Variants in FAM81A observed in about 807,000 individuals in gnomAD.
The protein encoded by FAM81A is protein FAM81A.
Under a neutral mutation model 46.7 loss-of-function variants are expected in FAM81A, and 19 were observed. The ratio of observed to expected loss-of-function variants is 0.41; its 90% confidence interval spans 0.28 to 0.60. The LOEUF is 0.60. FAM81A is among the 20% of genes least tolerant of loss of function. The probability of loss-of-function intolerance (pLI) is 0.34; values close to 1 mark genes in which losing one functional copy is unlikely to be tolerated. For missense variants in FAM81A, 377 were observed against 453.5 expected, an observed-to-expected ratio of 0.83 and a Z score of 1.53; for synonymous variants, 183 against 152.9, an observed-to-expected ratio of 1.20 and a Z score of -1.45.
chr15:59,399,367 T>C (rs2140460532), intron 1 of FAM81A, among the ~76,000 whole-genome samples: 1 of 152,216 alleles, frequency 6.6e-6, no homozygotes, highest in South Asian at 2.1e-4. Context: ...ATGTAGACTT[T>C]ATACCAAGCA....
In FAM81A at chr15:59,447,867, C is replaced by T. The variant is rs548744340; in HGVS notation, c.-78+9585C>T. On this transcript the variant is annotated intron_variant, in intron 1 of 8. Coordinates refer to ENST00000288228, the MANE Select transcript of FAM81A (RefSeq NM_152450.3). Reference sequence around the variant, plus strand: ...ATCTAGGCATGAAGGGAGGAGGCCTCAGATACAGGAGCGAAGGAAGGCAGA... The same window carrying T: ...ATCTAGGCATGAAGGGAGGAGGCCTTAGATACAGGAGCGAAGGAAGGCAGA... 2.6e-5 allele frequency among the ~76,000 whole-genome samples: 4 copies of T among 152,270 alleles called. No homozygotes were observed. The South Asian group carries it at 8.3e-4, about 32-fold the overall frequency.
chr15:59,444,948 T>C (rs139677615), intron 1 of FAM81A, among the ~76,000 whole-genome samples: 246 of 152,310 alleles, frequency 1.6e-3, no homozygotes, highest in African/African-American at 5.3e-3. Context: ...AATAAAATGG[T>C]TTATCGGAAG....
intron 3 of FAM81A, among the ~76,000 whole-genome samples, chr15:59,465,902 G>C (rs1456999113): frequency 1.3e-5 from 2 of 152,052 alleles, no homozygotes; most frequent in African/African-American, 4.8e-5. Flanking sequence ...GTGTCCAAGT[G>C]ATCTCATTGT....
At chr15:59,516,964 T>G in intron 8 of FAM81A, 124 bp downstream of exon 8, 1 of 916,190 alleles carries the variant, frequency 1.1e-6, no homozygotes, top group South Asian at 2.1e-5. Context: ...TATCCTTAGT[T>G]GATTTTCTGA....
intron 1 of FAM81A, among the ~76,000 whole-genome samples, chr15:59,398,849 T>A (rs1318175807): frequency 6.6e-6 from 1 of 150,520 alleles, no homozygotes; most frequent in East Asian, 2.0e-4. Context: ...GTGGTCTATG[T>A]CTTCCTAGTC....
intron 8 of FAM81A, among the ~76,000 whole-genome samples, chr15:59,520,844 A>G (rs1196812681): frequency 6.6e-6 from 1 of 152,182 alleles, no homozygotes; most frequent in African/African-American, 2.4e-5. Context: ...GATTACTGGC[A>G]TGAGCCACCG....
At chr15:59,464,346 G>C (rs1200171271) in intron 3 of FAM81A, among the ~76,000 whole-genome samples, 1 of 152,200 alleles carries the variant, frequency 6.6e-6, no homozygotes, top group Non-Finnish European at 1.5e-5. Context: ...TAGTGGGATT[G>C]CTGGATCATA....
At position 59,401,803 on chromosome 15, in the gene FAM81A, G is replaced by A; in HGVS notation, c.-160-473G>A. The A allele has an allele frequency of 9.7e-6, 7 of 718,890 alleles. No homozygotes were observed. In the South Asian group the frequency reaches 1.1e-4, roughly 11 times the overall value. 44.5% of individuals were successfully genotyped at this position (718,890 alleles called of 1,614,324 possible). On this transcript the variant is annotated intron_variant, in intron 1 of 4. Transcript: ENST00000558348. Reference sequence around the variant, plus strand: ...TTTTTTTTGGTGTTTCTCTTTTCATGCATCTTGATAGTCTTTTTTATTTGT... The same window carrying A: ...TTTTTTTTGGTGTTTCTCTTTTCATACATCTTGATAGTCTTTTTTATTTGT...
At chr15:59,507,446 A>C in intron 5 of FAM81A, 104 bp downstream of exon 5, 1 of 1,434,590 alleles carries the variant, frequency 7.0e-7, no homozygotes, top group Non-Finnish European at 9.4e-7. Context: ...TGGGGCATCT[A>C]GCATGGGTTT....
intron 3 of FAM81A, among the ~76,000 whole-genome samples, chr15:59,478,136 C>A (rs561431815): frequency 6.6e-6 from 1 of 152,188 alleles, no homozygotes; most frequent in African/African-American, 2.4e-5. Flanking sequence ...GTAGTTTGGA[C>A]CCCCATGTCT....
At chr15:59,484,871 C>G (rs2081898472) in intron 3 of FAM81A, among the ~76,000 whole-genome samples, 1 of 152,160 alleles carries the variant, frequency 6.6e-6, no homozygotes, top group East Asian at 1.9e-4. Flanking sequence ...TCTAGATGTA[C>G]CCTGGGCTAA....
At chr15:59,439,223 A>G (rs2081270988) in intron 1 of FAM81A, among the ~76,000 whole-genome samples, 1 of 152,122 alleles carries the variant, frequency 6.6e-6, no homozygotes, top group Admixed American at 6.5e-5. Flanking sequence ...TGCTAGAATG[A>G]TTCGAATCCA....
At chr15:59,517,731 A>C (rs963687893) in intron 8 of FAM81A, among the ~76,000 whole-genome samples, 1 of 152,236 alleles carries the variant, frequency 6.6e-6, no homozygotes, top group Non-Finnish European at 1.5e-5. Flanking sequence ...AATTAAATAT[A>C]TGAATTGGAG....
At chr15:59,398,741 G>C (rs35214076) in intron 1 of FAM81A, among the ~76,000 whole-genome samples, 1 of 117,920 alleles carries the variant, frequency 8.5e-6, no homozygotes, top group Non-Finnish European at 1.6e-5. Context: ...CTGGGCAACA[G>C]AGTGAGACTC....
chr15:59,437,915 CT>C (rs1394251485), upstream of FAM81A, among the ~76,000 whole-genome samples: 1 of 152,076 alleles, frequency 6.6e-6, no homozygotes, highest in Non-Finnish European at 1.5e-5. Context: ...GATGCGAGCT[CT>C]GTGGGAAACA....
intron 1 of FAM81A, among the ~76,000 whole-genome samples, chr15:59,456,579 T>C (rs117477903): frequency 6.6e-6 from 1 of 152,146 alleles, no homozygotes; most frequent in East Asian, 1.9e-4. Context: ...CCCATTGTTT[T>C]TGTTTGTTTG....
At chr15:59,507,463 A>T in intron 5 of FAM81A, 121 bp downstream of exon 5, 1 of 1,280,446 alleles carries the variant, frequency 7.8e-7, no homozygotes, top group Non-Finnish European at 1.1e-6. Context: ...GTTTATGCCA[A>T]TCATAAGCAT....
chr15:59,466,903 C>T (rs1168033878), intron 3 of FAM81A, among the ~76,000 whole-genome samples: 1 of 152,124 alleles, frequency 6.6e-6, no homozygotes, highest in African/African-American at 2.4e-5. Context: ...AGGAAGGGAT[C>T]CAGTTTCAGC....
At chr15:59,466,717 C>A (rs528602869) in intron 3 of FAM81A, among the ~76,000 whole-genome samples, 6 of 152,248 alleles carry the variant, frequency 3.9e-5, no homozygotes, top group African/African-American at 1.4e-4. Flanking sequence ...TTAATTAGAT[C>A]CCATTTGTCT....
Sources: allele counts gnomAD v4.1 joint callset (sites outside exome capture counted in the v4.1 genomes callset), GRCh38; gene constraint gnomAD v4.1.1; transcripts MANE v1.5; gene names NCBI Gene and HGNC (gene_info 2026-07-23, HGNC 2026-07-21).